The following MYO6 variants were observed in gnomAD, a reference collection of about 807,000 sequenced individuals.
MYO6 encodes the protein unconventional myosin-VI.
Under a neutral mutation model 178.7 loss-of-function variants are expected in MYO6, and 74 were observed. That is an observed-to-expected ratio of 0.41 (90% CI 0.34 to 0.50). The LOEUF is 0.50. Among genes scored for constraint, MYO6 ranks in the 20% least tolerant of loss-of-function variants. MYO6 has a pLI of 0.09. For synonymous variants in MYO6, 477 were observed against 504.6 expected (o/e 0.95, Z 0.73); for missense variants, 1,330 against 1,547.4 (o/e 0.86, Z 2.36).
rs556909888 is a variant in MYO6 at position 75,917,837 on chromosome 6, C to G, written c.*2825C>G. 6 of 152,000 alleles carry G rather than the reference C, an allele frequency of 3.9e-5. No homozygotes were observed. In the South Asian group the frequency reaches 8.3e-4, roughly 21 times the overall value. 9.4% of individuals were successfully genotyped at this position (152,000 alleles called of 1,614,324 possible). On this transcript the variant is annotated 3_prime_UTR_variant, in exon 35 of 35. Coordinates refer to ENST00000369977, the MANE Select transcript of MYO6 (RefSeq NM_004999.4). The stretch of plus-strand genomic sequence containing the variant: ...ATTTTTTAAAAGACATTTTCATTCA[C>G]AGGTCATTACTATGGTTCTCAGCGA...
chr6:75,887,114 C>A (rs1216614754), intron 25 of MYO6, 120 bp downstream of exon 25: 5 of 893,438 alleles, frequency 5.6e-6, no homozygotes, highest in African/African-American at 5.0e-5. Flanking sequence ...TGTGTTGAGA[C>A]TCAATGATGG....
intron 2 of MYO6, among the ~76,000 whole-genome samples, chr6:75,818,029 AT>A (rs796197560): frequency 1.2e-4 from 19 of 152,320 alleles, no homozygotes; most frequent in African/African-American, 3.8e-4. Context: ...TGTGTCTGTG[AT>A]CGACATGTCA....
At chr6:75,847,322 G>A (rs1369894458) in intron 10 of MYO6, among the ~76,000 whole-genome samples, 3 of 152,044 alleles carry the variant, frequency 2.0e-5, no homozygotes, top group African/African-American at 7.2e-5. Context: ...TATAGCTTGA[G>A]CTGGGAATCA....
intron 1 of MYO6, among the ~76,000 whole-genome samples, chr6:75,786,597 AT>A (rs1021928404): frequency 6.6e-5 from 10 of 152,126 alleles, no homozygotes; most frequent in Admixed American, 2.0e-4. Flanking sequence ...ATTCCTATAT[AT>A]TTTTTCTTTT....
chr6:75,772,592 T>G (rs1766003174), intron 1 of MYO6, among the ~76,000 whole-genome samples: 1 of 152,210 alleles, frequency 6.6e-6, no homozygotes, highest in African/African-American at 2.4e-5. Flanking sequence ...CTACAAGGGT[T>G]GAGAACAGAC....
chr6:75,861,117 C>T lies in MYO6; in HGVS notation c.1546+22C>T, dbSNP rs527255696. The T allele has an allele frequency of 2.6e-6, 4 of 1,558,386 alleles. No homozygotes were observed. The African/African-American group carries it at 4.1e-5, about 16-fold the overall frequency. On this transcript the variant is annotated intron_variant, in intron 15 of 34. Coordinates refer to ENST00000369977, the MANE Select transcript of MYO6 (RefSeq NM_004999.4). ...ATAGGTATGTGTTTTTTAACTCCAC[C>T]TTTGAAAAATATAGGAAGATGTAGT... is the stretch of plus-strand genomic sequence containing the variant.
rs77026564 is a variant in MYO6, at chr6:75,864,681, G to T, written c.1675-1845G>T. Among the ~76,000 whole-genome samples the T allele has an allele frequency of 3.1e-3, 475 of 152,260 alleles. 5 individuals are homozygous for T. The highest frequency in any genetic ancestry group is 0.011 in the African/African-American group (452 of 41,540). On this transcript the variant is annotated intron_variant, in intron 16 of 34. Transcript: ENST00000369977. ...TGTCTCAGAGGCATGTGACTTAAAA[G>T]ACAGTAAACTGAAGCATCAAGAATG...
At chr6:75,822,643 TAA>T in intron 2 of MYO6, 137 bp from the exon 3 acceptor site, 1 of 664,044 alleles carries the variant, frequency 1.5e-6, no homozygotes, top group Non-Finnish European at 2.7e-6. Context: ...AATGACTTGT[TAA>T]ATAGTATTAT....
At chr6:75,765,107 A>C (rs986731032) in intron 1 of MYO6, among the ~76,000 whole-genome samples, 3 of 151,566 alleles carry the variant, frequency 2.0e-5, no homozygotes, top group African/African-American at 7.3e-5. Context: ...TTTCCTGTCA[A>C]TATTGTGCAG....
chr6:75,859,191 G>T (rs1775983616), intron 14 of MYO6, among the ~76,000 whole-genome samples, 198 bp downstream of exon 14: 1 of 152,128 alleles, frequency 6.6e-6, no homozygotes, highest in Non-Finnish European at 1.5e-5. Context: ...GAAGTTTAGG[G>T]ACCCGATAAA....
intron 1 of MYO6, among the ~76,000 whole-genome samples, chr6:75,751,928 A>G (rs768912856): frequency 6.6e-6 from 1 of 152,070 alleles, no homozygotes; most frequent in Non-Finnish European, 1.5e-5. Flanking sequence ...TTTCATTTTT[A>G]TATATTAAAA....
rs570032312 is a variant in MYO6 at position 75,907,500 on chromosome 6, G to C, written c.3177-105G>C. 7.3e-4 allele frequency: 607 copies of C among 829,244 alleles called. 1 individual carries two copies. Among genetic ancestry groups the C allele is most frequent in the Non-Finnish European group, 1.1e-3 (557 of 499,144 alleles). 51.4% of individuals were successfully genotyped at this position (829,244 alleles called of 1,614,324 possible). On this transcript the variant is annotated intron_variant, in intron 30 of 34. Transcript: ENST00000369977. ...AAGAAACAAAAATTATGTTTTTCTA[G>C]TAGCTGTTTCCGGTTTTCAAACTTA...
chr6:75,758,459 T>TTTTGTTTG (rs1181118549), intron 1 of MYO6, among the ~76,000 whole-genome samples: 1 of 151,896 alleles, frequency 6.6e-6, no homozygotes, highest in Admixed American at 6.6e-5. Flanking sequence ...TGTTTCAGCT[T>TTTTGTTTG]TTTGTTTGTT....
chr6:75,767,520 CTTT>C (rs1002645261), intron 1 of MYO6, among the ~76,000 whole-genome samples: 6 of 131,220 alleles, frequency 4.6e-5, no homozygotes, highest in Admixed American at 7.8e-5. Flanking sequence ...TTACAAATTC[CTTT>C]TTTTTTTTTT....
chr6:75,759,274 T>C (rs1328496213), intron 1 of MYO6, among the ~76,000 whole-genome samples: 2 of 152,166 alleles, frequency 1.3e-5, no homozygotes, highest in Non-Finnish European at 2.9e-5. Context: ...TTGTTAGTCA[T>C]ATCAGGCAAA....
At chr6:75,821,738 A>G (rs1465913350) in intron 2 of MYO6, among the ~76,000 whole-genome samples, 1 of 152,174 alleles carries the variant, frequency 6.6e-6, no homozygotes, top group East Asian at 1.9e-4. Context: ...CAGCCACAAG[A>G]GTAATTGTCA....
intron 1 of MYO6, among the ~76,000 whole-genome samples, chr6:75,771,615 C>T (rs1161291523): frequency 2.0e-5 from 3 of 152,142 alleles, no homozygotes; most frequent in Non-Finnish European, 4.4e-5. Flanking sequence ...CTTTCCCTTA[C>T]TCCTGTTTGC....
At position 75,918,985 on chromosome 6, in the gene MYO6, A is replaced by G. The variant is rs886061780; in HGVS notation, c.*3973A>G. ...ATACAAAACATTAGCCAGGCGTGGTAGTGGGTGCCTGTAATCCCTGCTACT... is the reference window on the plus strand; with the variant it reads ...ATACAAAACATTAGCCAGGCGTGGTGGTGGGTGCCTGTAATCCCTGCTACT... On this transcript the variant is annotated 3_prime_UTR_variant, in exon 35 of 35. Coordinates refer to ENST00000369977, the MANE Select transcript of MYO6 (RefSeq NM_004999.4). 2.0e-5 allele frequency: 3 copies of G among 152,142 alleles called. No homozygotes were observed. Among genetic ancestry groups the G allele is most frequent in the Non-Finnish European group, 2.9e-5 (2 of 68,066 alleles). The allele number at this position is 152,142 out of a possible 1,614,324, so 9.4% of individuals were successfully genotyped here. A position where few individuals can be genotyped will look rare whatever the true frequency, so the allele number is the denominator to read the frequency against.
intron 1 of MYO6, among the ~76,000 whole-genome samples, chr6:75,807,045 G>A (rs1445113416): frequency 6.6e-6 from 1 of 152,196 alleles, no homozygotes; most frequent in Non-Finnish European, 1.5e-5. Flanking sequence ...TGATGACAGT[G>A]CTCAGCGTGG....
Sources: allele counts gnomAD v4.1 joint callset (sites outside exome capture counted in the v4.1 genomes callset), GRCh38; gene constraint gnomAD v4.1.1; transcripts MANE v1.5; gene names NCBI Gene and HGNC (gene_info 2026-07-23, HGNC 2026-07-21).